The following USP44 variants were observed in gnomAD, a reference collection of about 807,000 sequenced individuals.
The protein encoded by USP44 is ubiquitin carboxyl-terminal hydrolase 44.
In USP44, 61 loss-of-function variants were observed where a neutral mutation model predicts 69.0. The ratio of observed to expected loss-of-function variants is 0.88; its 90% confidence interval spans 0.72 to 1.09. The LOEUF (loss-of-function observed/expected upper bound fraction) is 1.09, where lower values mean the gene tolerates loss of function less well. Among genes scored for constraint, USP44 ranks in the 50% least tolerant of loss-of-function variants. The probability of loss-of-function intolerance (pLI) is 0.00; values close to 1 mark genes in which losing one functional copy is unlikely to be tolerated. For missense variants in USP44, 753 were observed against 849.9 expected, an observed-to-expected ratio of 0.89 and a Z score of 1.42; for synonymous variants, 297 against 295.4, an observed-to-expected ratio of 1.01 and a Z score of -0.06.
intron 1 of USP44, chr12:95,535,554 T>G (rs547539812): frequency 7.2e-5 from 11 of 152,330 alleles, no homozygotes; most frequent in Admixed American, 6.5e-4. Context: ...TTTTATTACA[T>G]TCTAGCAGGC....
chr12:95,535,194 A>C (rs1182325832), intron 1 of USP44, among the ~76,000 whole-genome samples: 1 of 152,210 alleles, frequency 6.6e-6, no homozygotes, highest in Non-Finnish European at 1.5e-5. Context: ...CATCTGTAAA[A>C]GAGGGAAAAT....
chr12:95,541,661 G>C (rs182942083), intron 1 of USP44, among the ~76,000 whole-genome samples: 32 of 152,188 alleles, frequency 2.1e-4, no homozygotes, highest in Admixed American at 1.8e-3. Context: ...ATAATAGTTT[G>C]ACAAATATTT....
At position 95,533,285 on chromosome 12, in the gene USP44, T is replaced by G. The variant is rs924804995; in HGVS notation, c.972A>C (p.Pro324=). The change falls in exon 2 of 6, where the codon CCA becomes CCC. Residue 324 remains proline (P), a synonymous_variant. Transcript: ENST00000258499. ...GATATACTACTGTATCTGTGACTGGTGGATGCTTACAAGATCTTGTCTTCT... is the reference window on the plus strand; with the variant it reads ...GATATACTACTGTATCTGTGACTGGGGGATGCTTACAAGATCTTGTCTTCT... ...ASEKTRSCKH[P]PVTDTVVYQM... 2 of 1,614,148 alleles carry G rather than the reference T, an allele frequency of 1.2e-6. No individual in the cohort carries two copies. The highest frequency in any genetic ancestry group is 2.7e-5 in the African/African-American group (2 of 75,054).
intron 1 of USP44, among the ~76,000 whole-genome samples, chr12:95,534,584 G>A (rs2077138009): frequency 6.6e-6 from 1 of 151,672 alleles, no homozygotes; most frequent in South Asian, 2.1e-4. Context: ...ATCTAGTGGT[G>A]AAAAATGGGT....
chr12:95,547,685 C>T (rs2077617120), intron 1 of USP44, among the ~76,000 whole-genome samples: 1 of 152,164 alleles, frequency 6.6e-6, no homozygotes, highest in Non-Finnish European at 1.5e-5. Context: ...CCACAGGCAG[C>T]TACTTAACAG....
rs1260720350 is a variant in USP44 at position 95,547,639 on chromosome 12, T to C, written c.-71+3633A>G. On this transcript the variant is annotated intron_variant, in intron 1 of 5. Transcript: ENST00000258499. ...GTTTTGAACACAACTCAAAATGGAATTCCAGGCCCAAAAGTCACCACCCCT... is the reference window on the plus strand; with the variant it reads ...GTTTTGAACACAACTCAAAATGGAACTCCAGGCCCAAAAGTCACCACCCCT... Among the ~76,000 whole-genome samples, 6 of 152,330 alleles carry C rather than the reference T, an allele frequency of 3.9e-5. No individual in the cohort carries two copies. In the East Asian group the frequency reaches 9.6e-4, roughly 24 times the overall value.
intron 3 of USP44, among the ~76,000 whole-genome samples, chr12:95,527,836 C>CTTTTTTT (rs760231106): frequency 1.8e-5 from 1 of 54,836 alleles, no homozygotes; most frequent in Non-Finnish European, 3.2e-5. Flanking sequence ...GAGGAAGATG[C>CTTTTTTT]TTTTTTTTTT....
At chr12:95,539,428 A>G (rs934607597) in intron 1 of USP44, among the ~76,000 whole-genome samples, 2 of 152,066 alleles carry the variant, frequency 1.3e-5, no homozygotes, top group African/African-American at 4.8e-5. Flanking sequence ...GGGTTTCACC[A>G]TGTTAGCCAG....
At position 95,533,667 on chromosome 12, in the gene USP44, A is replaced by G. The variant is rs746302745; in HGVS notation, c.590T>C (p.Leu197Ser). 8 of 1,613,662 alleles carry G rather than the reference A, an allele frequency of 5.0e-6. No individual in the cohort carries two copies. The East Asian group carries it at 1.3e-4, about 27-fold the overall frequency. Residue 197 changes from leucine (L) to serine (S), a missense_variant, in exon 2 of 6, where the codon TTG becomes TCG. Physicochemically the swap from Leu to Ser is moderately radical, Grantham distance 145. Coordinates refer to ENST00000258499, the MANE Select transcript of USP44 (RefSeq NM_032147.5). ...KREVKKRRQE[L>S]EYQVKAELES... ...CAATTCTGCTTTAACTTGATACTCCAATTCCTGCCGTCTTTTCTTTACTTC... is the reference window on the plus strand; with the variant it reads ...CAATTCTGCTTTAACTTGATACTCCGATTCCTGCCGTCTTTTCTTTACTTC...
chr12:95,519,432 A>ATTTTTTTTTTTT (rs60940181), intron 5 of USP44, among the ~76,000 whole-genome samples: 1 of 84,544 alleles, frequency 1.2e-5, no homozygotes, highest in Non-Finnish European at 2.2e-5. Flanking sequence ...CTCAATCTGT[A>ATTTTTTTTTTTT]TTTTTTTTTT....
chr12:95,537,376 G>T (rs4762566), intron 1 of USP44, among the ~76,000 whole-genome samples: 58,188 of 151,834 alleles, frequency 0.38, 11,453 homozygotes, highest in South Asian at 0.48. Context: ...TGGAGTGCAG[G>T]GGTGCTATCT....
chr12:95,549,022 A>C (rs907696555), intron 1 of USP44, among the ~76,000 whole-genome samples: 2 of 151,992 alleles, frequency 1.3e-5, no homozygotes, highest in African/African-American at 4.8e-5. Context: ...CGCGAACAAC[A>C]AGCACTGCCT....
chr12:95,550,577 C>A (rs2077707314), intron 1 of USP44, among the ~76,000 whole-genome samples: 1 of 152,082 alleles, frequency 6.6e-6, no homozygotes, highest in African/African-American at 2.4e-5. Context: ...TTCTGGCATG[C>A]AATATGGTTT....
chr12:95,537,542 C>T (rs2077247443), intron 1 of USP44, among the ~76,000 whole-genome samples: 1 of 152,132 alleles, frequency 6.6e-6, no homozygotes, highest in East Asian at 1.9e-4. Context: ...TAGTCTTGAG[C>T]TCCCGACCTC....
intron 3 of USP44, among the ~76,000 whole-genome samples, chr12:95,526,767 T>C (rs914799456): frequency 3.9e-5 from 6 of 152,130 alleles, no homozygotes; most frequent in Non-Finnish European, 5.9e-5. Context: ...ATTTGCGAGA[T>C]AGGGAAATTA....
intron 1 of USP44, among the ~76,000 whole-genome samples, chr12:95,546,017 T>A (rs566661101): frequency 4.6e-5 from 7 of 152,292 alleles, no homozygotes; most frequent in Admixed American, 4.6e-4. Context: ...TTGAATCTAG[T>A]TGAACACGTT....
intron 3 of USP44, among the ~76,000 whole-genome samples, chr12:95,526,294 C>T (rs575369450): frequency 2.0e-5 from 3 of 152,262 alleles, no homozygotes; most frequent in East Asian, 1.9e-4. Context: ...CCTTATAGGC[C>T]GGGCGCGGTG....
At chr12:95,531,594 A>G (rs2077022038) in intron 2 of USP44, among the ~76,000 whole-genome samples, 1 of 152,230 alleles carries the variant, frequency 6.6e-6, no homozygotes. Flanking sequence ...ATTGCAGTAC[A>G]ATTCTTATTT....
chr12:95,518,049 G>T lies in USP44; in HGVS notation c.*105C>A, dbSNP rs2076529898. ...ATTGTTAGATATAAAATGTATAAATGTAGTATACACTGATTCACAAGAAAA... is the reference window on the plus strand; with the variant it reads ...ATTGTTAGATATAAAATGTATAAATTTAGTATACACTGATTCACAAGAAAA... On this transcript the variant is annotated 3_prime_UTR_variant, in exon 6 of 6. Coordinates refer to ENST00000258499, the MANE Select transcript of USP44 (RefSeq NM_032147.5). The T allele has an allele frequency of 1.7e-6, 2 of 1,191,014 alleles. No homozygotes were observed. Among genetic ancestry groups the T allele is most frequent in the Admixed American group, 2.4e-5 (1 of 41,092 alleles). The allele number at this position is 1,191,014 out of a possible 1,614,324, so 73.8% of individuals were successfully genotyped here.
Sources: allele counts gnomAD v4.1 joint callset (sites outside exome capture counted in the v4.1 genomes callset), GRCh38; gene constraint gnomAD v4.1.1; transcripts MANE v1.5; gene names NCBI Gene and HGNC (gene_info 2026-07-23, HGNC 2026-07-21).